CTDP1: variants seen among roughly 807,000 people sequenced by gnomAD.
CTDP1 encodes RNA polymerase II subunit A C-terminal domain phosphatase.
In CTDP1, 47 loss-of-function variants were observed where a neutral mutation model predicts 91.8. The ratio of observed to expected loss-of-function variants is 0.51; its 90% CI spans 0.41 to 0.65. CTDP1 has a LOEUF of 0.65. Ranked by LOEUF, CTDP1 falls within the 30% of genes least tolerant of loss-of-function variation. The pLI, the probability that CTDP1 is intolerant of heterozygous loss-of-function variation, is 0.00. For synonymous variants in CTDP1, 656 were observed against 598.5 expected (o/e 1.10, Z -1.40); for missense variants, 1,272 against 1,373.7 (o/e 0.93, Z 1.17).
chr18:79,752,001 C>T (rs1431617869), intron 12 of CTDP1, among the ~76,000 whole-genome samples: 2 of 152,228 alleles, frequency 1.3e-5, no homozygotes, highest in African/African-American at 4.8e-5. Context: ...CAGGCTTCCA[C>T]CTCTAAGGTT....
rs146948217 is a variant in CTDP1 at position 79,680,533 on chromosome 18, A to G, written c.314+272A>G. Among the ~76,000 whole-genome samples, 239 of 152,360 alleles carry G rather than the reference A, an allele frequency of 1.6e-3. 1 individual carries two copies. Among genetic ancestry groups the G allele is most frequent in the African/African-American group, 5.3e-3 (219 of 41,588 alleles). Reference sequence around the variant, plus strand: ...GCTATGTTTGTTTCTTTCTTTCTGCAGTGATAGTCCCCGCCCCTTCCTTTA... The same window carrying G: ...GCTATGTTTGTTTCTTTCTTTCTGCGGTGATAGTCCCCGCCCCTTCCTTTA... On this transcript the variant is annotated intron_variant, in intron 1 of 12. Coordinates refer to ENST00000613122, the MANE Select transcript of CTDP1 (RefSeq NM_004715.5).
chr18:79,735,772 G>A (rs994654294), intron 11 of CTDP1: 4 of 158,952 alleles, frequency 2.5e-5, no homozygotes, highest in Non-Finnish European at 5.6e-5. Flanking sequence ...TCCCGTCCGC[G>A]TCACACGTGT....
chr18:79,694,149 C>G (rs868362975), intron 1 of CTDP1, among the ~76,000 whole-genome samples: 1 of 142,486 alleles, frequency 7.0e-6, no homozygotes, highest in Non-Finnish European at 1.5e-5. Context: ...CCGGCTGGGA[C>G]GGGAGTGTGG....
upstream of CTDP1, chr18:79,678,242 G>A (rs2085278422): frequency 6.6e-6 from 1 of 152,188 alleles, no homozygotes; most frequent in African/African-American, 2.4e-5. Context: ...GGCGACAATC[G>A]CGCCCTACTA....
intron 12 of CTDP1, among the ~76,000 whole-genome samples, chr18:79,739,823 C>A (rs1235725449): frequency 7.2e-6 from 1 of 139,082 alleles, no homozygotes; most frequent in Non-Finnish European, 1.6e-5. Flanking sequence ...GTGGGACTCT[C>A]ATACCCACGG....
intron 12 of CTDP1, among the ~76,000 whole-genome samples, chr18:79,747,834 G>A (rs2086912221): frequency 6.6e-6 from 1 of 152,128 alleles, no homozygotes; most frequent in Non-Finnish European, 1.5e-5. Context: ...CTGTGCCTGT[G>A]GATTGTTCCA....
rs2085933724 is a variant in CTDP1, at chr18:79,704,822, G to C, written c.677G>C (p.Arg226Pro). Reference protein sequence around the residue: ...RGEPMLHTRLRPHCKDFLEKI... With the variant: ...RGEPMLHTRLPPHCKDFLEKI... ...GAGCCCATGCTGCACACGCGCCTGC[G>C]TCCACACTGCAAGGACTTCCTGGAG... The change falls in exon 5 of 13, where the codon CGT (arginine) becomes CCT (proline). Residue 226 changes from arginine to proline, a missense_variant. Physicochemically the swap from Arg to Pro is moderately radical, Grantham distance 103. Transcript: ENST00000613122. 1.2e-6 allele frequency: 2 copies of C among 1,613,876 alleles called. No individual in the cohort carries two copies. The highest frequency in any genetic ancestry group is 8.5e-7 in the Non-Finnish European group (1 of 1,180,048).
rs2085781726 is a variant in CTDP1 at position 79,697,953 on chromosome 18, A to ATG, written c.586_587insTG (p.Thr196MetfsTer66). The ATG allele has an allele frequency of 6.2e-7, 1 of 1,614,130 alleles. No homozygotes were observed. The highest frequency in any genetic ancestry group is 8.5e-7 in the Non-Finnish European group (1 of 1,180,044). ...GGACTTGGACCAGACGTTGATTCAC[A>ATG]CAACCGAGCAGCACTGTCAGCAGAT... On this transcript the variant is annotated frameshift_variant, in exon 4 of 13. Coordinates refer to ENST00000613122, the MANE Select transcript of CTDP1 (RefSeq NM_004715.5). LOFTEE classifies it high-confidence loss of function.
chr18:79,682,910 G>T (rs575457075), intron 1 of CTDP1: 23 of 152,354 alleles, frequency 1.5e-4, no homozygotes, highest in African/African-American at 5.5e-4. Flanking sequence ...TCATCCCTGC[G>T]ACGCCTCTGG....
chr18:79,705,802 C>T (rs1296084393), intron 5 of CTDP1, among the ~76,000 whole-genome samples: 2 of 152,198 alleles, frequency 1.3e-5, no homozygotes, highest in Non-Finnish European at 2.9e-5. Context: ...ATTTTGAATC[C>T]TCCTTTAATA....
At chr18:79,691,128 TGTA>T (rs1341083678) in intron 1 of CTDP1, among the ~76,000 whole-genome samples, 1 of 152,208 alleles carries the variant, frequency 6.6e-6, no homozygotes, top group Non-Finnish European at 1.5e-5. Flanking sequence ...TCCTTCCTCG[TGTA>T]GAACTAGGCA....
intron 12 of CTDP1, among the ~76,000 whole-genome samples, chr18:79,749,291 C>T (rs2086944783): frequency 6.6e-6 from 1 of 152,076 alleles, no homozygotes; most frequent in South Asian, 2.1e-4. Flanking sequence ...GCCTGGCTCT[C>T]GTCTGCCCCG....
intron 2 of CTDP1, 135 bp from the exon 3 acceptor site, chr18:79,695,842 A>T: frequency 2.6e-6 from 2 of 767,932 alleles, no homozygotes; most frequent in Non-Finnish European, 2.3e-6. Context: ...ACGTTTGCCG[A>T]CAGAATCAAG....
chr18:79,715,419 G>T lies in CTDP1; in HGVS notation c.1959G>T (p.Lys653Asn). ...GLHPTNFPIE[K>N]TREHYHATAL... is the part of the protein sequence containing the mutation. ...ACCCGACAAACTTCCCGATAGAGAA[G>T]ACGCGGGAGCATTACCACGCCACGG... Residue 653 changes from lysine to asparagine, a missense_variant, in exon 8 of 13, where the codon AAG (lysine) becomes AAT (asparagine). By Grantham distance (94) the Lys-to-Asn change is moderately conservative. Coordinates refer to ENST00000613122, the MANE Select transcript of CTDP1 (RefSeq NM_004715.5). 1.2e-6 allele frequency: 2 copies of T among 1,600,672 alleles called. No individual in the cohort carries two copies. The highest frequency in any genetic ancestry group is 1.7e-6 in the Non-Finnish European group (2 of 1,173,556).
chr18:79,751,353 G>A (rs1367737011), intron 12 of CTDP1, among the ~76,000 whole-genome samples: 1 of 118,148 alleles, frequency 8.5e-6, no homozygotes, highest in Non-Finnish European at 2.2e-5. Flanking sequence ...GGTCCAGGAG[G>A]GAAGGAGGGA....
At chr18:79,700,276 C>T (rs895679264) in intron 4 of CTDP1, among the ~76,000 whole-genome samples, 3 of 152,150 alleles carry the variant, frequency 2.0e-5, no homozygotes, top group East Asian at 1.9e-4. Context: ...GAGGAATGCA[C>T]GCCAGAAGCC....
At chr18:79,718,146 T>C (rs2086260379) in intron 10 of CTDP1, 130 bp downstream of exon 10, 1 of 1,092,282 alleles carries the variant, frequency 9.2e-7, no homozygotes, top group South Asian at 1.3e-5. Context: ...TGACTCCTGC[T>C]TCCACCTTGT....
In CTDP1 at chr18:79,715,533, G is replaced by A; in HGVS notation, c.2068+5G>A. On this transcript the variant is annotated splice_donor_5th_base_variant and intron_variant, in intron 8 of 12. Transcript: ENST00000613122. Reference sequence around the variant, plus strand: ...ACCTGATCGCCGCGCGAGCTGGTGAGTGCTGCCTCCCTGTGCCCTGGGCAT... The same window carrying A: ...ACCTGATCGCCGCGCGAGCTGGTGAATGCTGCCTCCCTGTGCCCTGGGCAT... 3 of 1,545,792 alleles carry A rather than the reference G, an allele frequency of 1.9e-6. No homozygotes were observed. The highest frequency in any genetic ancestry group is 1.4e-5 in the African/African-American group (1 of 73,430).
intron 1 of CTDP1, among the ~76,000 whole-genome samples, chr18:79,687,954 A>G (rs934985837): frequency 6.6e-6 from 1 of 152,210 alleles, no homozygotes; most frequent in Non-Finnish European, 1.5e-5. Context: ...GCTCTAGACC[A>G]CAGTGGCAGT....
Sources: allele counts gnomAD v4.1 joint callset (sites outside exome capture counted in the v4.1 genomes callset), GRCh38; gene constraint gnomAD v4.1.1; transcripts MANE v1.5; gene names NCBI Gene and HGNC (gene_info 2026-07-23, HGNC 2026-07-21).